TRPC1: variants seen among roughly 807,000 people sequenced by gnomAD.
The protein encoded by TRPC1 is transient receptor potential cation channel subfamily C member 1, also known as short transient receptor potential channel 1.
TRPC1 carries 42 observed loss-of-function variants against 88.2 expected under a neutral mutation model. The observed-to-expected ratio is 0.48, with a 90% confidence interval of 0.37 to 0.62. TRPC1 has a LOEUF of 0.62. TRPC1 is among the 20% of genes least tolerant of loss of function. TRPC1 has a pLI of 0.00. For synonymous variants in TRPC1, 288 were observed against 331.8 expected, an observed-to-expected ratio of 0.87 and a Z score of 1.43; for missense variants, 699 against 957.3, an observed-to-expected ratio of 0.73 and a Z score of 3.56.
chr3:142,757,653 G>A (rs1008548541), intron 4 of TRPC1, among the ~76,000 whole-genome samples: 2 of 151,900 alleles, frequency 1.3e-5, no homozygotes, highest in African/African-American at 4.8e-5. Context: ...GGGGGATGGG[G>A]GGCAAGGGGA....
At chr3:142,736,106 A>G (rs1240364904) in intron 1 of TRPC1, among the ~76,000 whole-genome samples, 1 of 152,050 alleles carries the variant, frequency 6.6e-6, no homozygotes, top group Non-Finnish European at 1.5e-5. Context: ...TCCTCTTATG[A>G]TCATTCAGTT....
At chr3:142,746,509 C>T (rs115053240) in intron 3 of TRPC1, among the ~76,000 whole-genome samples, 81 of 151,770 alleles carry the variant, frequency 5.3e-4, no homozygotes, top group Admixed American at 1.3e-3. Context: ...ATTTGAAGTC[C>T]TCAATAAATA....
chr3:142,748,436 A>G lies in TRPC1; in HGVS notation c.608A>G (p.Lys203Arg), dbSNP rs146321589. 23 of 1,614,006 alleles carry G rather than the reference A, an allele frequency of 1.4e-5. No individual in the cohort carries two copies. In the African/African-American group the frequency reaches 2.5e-4, roughly 18 times the overall value. ...CECTLCSAKN[K>R]KDSLRHSRFR... Reference sequence around the variant, plus strand: ...TGCACATTGTGTTCTGCAAAAAACAAAAAGGATAGCCTCCGGCATTCCAGG... The same window carrying G: ...TGCACATTGTGTTCTGCAAAAAACAGAAAGGATAGCCTCCGGCATTCCAGG... Residue 203 changes from lysine to arginine, a missense_variant, in exon 4 of 13, where the codon AAA becomes AGA. Lys to Arg is a conservative substitution (Grantham distance 26). This residue lies in a region of TRPC1 where 426 missense variants were observed against 641.3 expected (regional missense o/e 0.66). Transcript: ENST00000476941.
intron 1 of TRPC1, among the ~76,000 whole-genome samples, chr3:142,728,808 TATTTG>T: frequency 6.6e-6 from 1 of 152,328 alleles, no homozygotes; most frequent in South Asian, 2.1e-4. Context: ...TTTTTTTACT[TATTTG>T]AGAAGAGATT....
intron 5 of TRPC1, 83 bp from the exon 6 acceptor site, chr3:142,780,751 C>A: frequency 7.6e-7 from 1 of 1,323,702 alleles, no homozygotes; most frequent in South Asian, 1.7e-5. Flanking sequence ...TAAAATGTTG[C>A]TGAGTAAAAA....
At chr3:142,753,138 G>T (rs1224692243) in intron 4 of TRPC1, among the ~76,000 whole-genome samples, 1 of 152,164 alleles carries the variant, frequency 6.6e-6, no homozygotes, top group African/African-American at 2.4e-5. Context: ...AAGCAGCGGG[G>T]TCTTACAGGT....
In TRPC1 at chr3:142,760,971, C is replaced by T. The variant is rs200526539; in HGVS notation, c.632+12511C>T. The stretch of plus-strand genomic sequence containing the variant: ...CAACTTTACTGAATTTTTTTTACCA[C>T]TTCTAATAGTTTTTTGGTGGAGTAT... On this transcript the variant is annotated intron_variant, in intron 4 of 12. Transcript: ENST00000476941. 7.2e-5 allele frequency among the ~76,000 whole-genome samples: 11 copies of T among 151,938 alleles called. No homozygotes were observed. In the East Asian group the frequency reaches 1.3e-3, roughly 19 times the overall value.
At chr3:142,731,374 ATTTTTTTTTT>A (rs59613066) in intron 1 of TRPC1, among the ~76,000 whole-genome samples, 10 of 79,524 alleles carry the variant, frequency 1.3e-4, no homozygotes, top group South Asian at 4.9e-4. Flanking sequence ...ATATGTTTTG[ATTTTTTTTTT>A]TTTTTTTTTT....
At chr3:142,743,031 C>T (rs2108034570) in intron 2 of TRPC1, among the ~76,000 whole-genome samples, 1 of 152,188 alleles carries the variant, frequency 6.6e-6, no homozygotes, top group South Asian at 2.1e-4. Context: ...GATATTCTCC[C>T]TATATTCCTG....
intron 11 of TRPC1, 116 bp from the exon 12 acceptor site, chr3:142,804,320 T>A: frequency 8.8e-7 from 1 of 1,134,528 alleles, no homozygotes; most frequent in Non-Finnish European, 1.2e-6. Flanking sequence ...AAAATGTAAG[T>A]AATGTATAAT....
chr3:142,729,492 C>T lies in TRPC1; in HGVS notation c.172+4761C>T, dbSNP rs1412621989. On this transcript the variant is annotated intron_variant, in intron 1 of 12. Transcript: ENST00000476941. ...GGGAAGAAGCAAGTGCTCAATTTAACTTAAATGGCCTATATGTGATTTGGA... is the reference window on the plus strand; with the variant it reads ...GGGAAGAAGCAAGTGCTCAATTTAATTTAAATGGCCTATATGTGATTTGGA... 2.0e-5 allele frequency among the ~76,000 whole-genome samples: 3 copies of T among 152,042 alleles called. No homozygotes were observed. The East Asian group carries it at 5.8e-4, about 29-fold the overall frequency.
At chr3:142,785,396 ACAAT>A in intron 7 of TRPC1, 1 of 173,124 alleles carries the variant, frequency 5.8e-6, no homozygotes, top group Non-Finnish European at 1.2e-5. Context: ...GTATTTTGAA[ACAAT>A]CTATTTTATA....
intron 1 of TRPC1, among the ~76,000 whole-genome samples, chr3:142,725,066 T>C (rs368607724): frequency 1.4e-4 from 22 of 152,212 alleles, no homozygotes; most frequent in African/African-American, 5.3e-4. Flanking sequence ...CCTGGTCTTC[T>C]CTCTGGCTCG....
At position 142,777,389 on chromosome 3, in the gene TRPC1, T is replaced by A. The variant is rs558444376; in HGVS notation, c.633-243T>A. The stretch of plus-strand genomic sequence containing the variant: ...TATATTATACCAAAGGCATTTTGAA[T>A]CTATGAAAAGAGACAGTAAAAAAAT... On this transcript the variant is annotated intron_variant, in intron 4 of 12. Transcript: ENST00000476941. Among the ~76,000 whole-genome samples the A allele has an allele frequency of 7.2e-5, 11 of 152,246 alleles. 1 individual carries two copies. In the South Asian group the frequency reaches 2.3e-3, roughly 32 times the overall value.
At chr3:142,765,722 G>C (rs1935361938) in intron 4 of TRPC1, among the ~76,000 whole-genome samples, 1 of 152,016 alleles carries the variant, frequency 6.6e-6, no homozygotes, top group African/African-American at 2.4e-5. Flanking sequence ...AAATTGACAA[G>C]TGGGACCTAA....
In TRPC1 at chr3:142,804,091, C is replaced by G. The variant is rs367567951; in HGVS notation, c.1872C>G (p.Val624=). 2 of 1,613,884 alleles carry G rather than the reference C, an allele frequency of 1.2e-6. No homozygotes were observed. The highest frequency in any genetic ancestry group is 3.3e-5 in the Admixed American group (2 of 59,954). ...GEELQSFVGA[V]IVGTYNVVVV... The stretch of plus-strand genomic sequence containing the variant: ...AACTGCAGTCCTTTGTGGGAGCTGT[C>G]ATTGTTGGTACATACAATGTCGTGG... The change falls in exon 11 of 13, where the codon GTC becomes GTG. Residue 624 remains valine, a synonymous_variant. Transcript: ENST00000476941.
chr3:142,766,113 CTG>C (rs1408514914), intron 4 of TRPC1, among the ~76,000 whole-genome samples: 1 of 151,746 alleles, frequency 6.6e-6, no homozygotes, highest in Non-Finnish European at 1.5e-5. Flanking sequence ...CAATATAACT[CTG>C]TACTGATTAC....
intron 2 of TRPC1, among the ~76,000 whole-genome samples, chr3:142,740,502 T>C (rs1934305481): frequency 6.6e-6 from 1 of 152,160 alleles, no homozygotes; most frequent in South Asian, 2.1e-4. Context: ...GGTGAAATCA[T>C]GGAGAAGAGC....
At chr3:142,740,074 A>C (rs1934291626) in intron 2 of TRPC1, among the ~76,000 whole-genome samples, 1 of 152,214 alleles carries the variant, frequency 6.6e-6, no homozygotes, top group African/African-American at 2.4e-5. Context: ...CCTTATGAGA[A>C]TCTAACCAAT....
Sources: allele counts gnomAD v4.1 joint callset (sites outside exome capture counted in the v4.1 genomes callset), GRCh38; gene constraint gnomAD v4.1.1; regional missense constraint gnomAD v4.1.1; transcripts MANE v1.5; gene names NCBI Gene and HGNC (gene_info 2026-07-23, HGNC 2026-07-21).